Variants in ENTPD4 observed in about 807,000 individuals in gnomAD.
ENTPD4 encodes the protein Golgi UDPase.
ENTPD4 carries 60 observed loss-of-function variants against 79.1 expected under a neutral mutation model. The observed-to-expected ratio is 0.76, with a 90% CI of 0.62 to 0.94. The LOEUF is 0.94. Among genes scored for constraint, ENTPD4 ranks in the 40% least tolerant of loss-of-function variants. ENTPD4 has a pLI of 0.00. For synonymous variants in ENTPD4, 276 were observed against 292.0 expected, an observed-to-expected ratio of 0.95 and a Z score of 0.56; for missense variants, 772 against 775.1, an observed-to-expected ratio of 1.00 and a Z score of 0.05.
intron 1 of ENTPD4, among the ~76,000 whole-genome samples, chr8:23,452,111 G>A (rs1800872615): frequency 6.6e-6 from 1 of 152,156 alleles, no homozygotes; most frequent in African/African-American, 2.4e-5. Flanking sequence ...GGGAGAGGTG[G>A]GATGCAAGTG....
At chr8:23,434,621 C>T (rs149366215) in intron 11 of ENTPD4, 143 bp from the exon 12 acceptor site, 73 of 1,465,622 alleles carry the variant, frequency 5.0e-5, no homozygotes, top group African/African-American at 4.6e-4. Flanking sequence ...ACCAACTGCG[C>T]GCGTTTCAAG....
At position 23,430,576 on chromosome 8, in the gene ENTPD4, T is replaced by G. The variant is rs966683926; in HGVS notation, c.*2350A>C. 27 of 984,438 alleles carry G rather than the reference T, an allele frequency of 2.7e-5. No individual in the cohort carries two copies. The highest frequency in any genetic ancestry group is 4.7e-5 in the South Asian group (1 of 21,272). 61.0% of individuals were successfully genotyped at this position (984,438 alleles called of 1,614,324 possible). On this transcript the variant is annotated 3_prime_UTR_variant, in exon 13 of 13. Transcript: ENST00000358689. ...GGCCACATATAGTGTCTGCTGCATA[T>G]TCTTCAACGTTTTTTCTTAGGCAAC...
At chr8:23,448,711 G>A in intron 3 of ENTPD4, 31 bp downstream of exon 3, 3 of 1,573,940 alleles carry the variant, frequency 1.9e-6, no homozygotes, top group Non-Finnish European at 2.6e-6. Flanking sequence ...TAAGGCTTCT[G>A]GTCTAGAAAG....
In ENTPD4 at chr8:23,431,811, G is replaced by A. The variant is rs1800458954; in HGVS notation, c.*1115C>T. On this transcript the variant is annotated 3_prime_UTR_variant, in exon 13 of 13. Transcript: ENST00000358689. ...TCTAGTTCCAATAAAACCGAAACTG[G>A]TGAAACTAGGAATTTCCAATTCTTT... 4 of 985,418 alleles carry A rather than the reference G, an allele frequency of 4.1e-6. No individual in the cohort carries two copies. Among genetic ancestry groups the A allele is most frequent in the Non-Finnish European group, 3.6e-6 (3 of 829,928 alleles). The allele number at this position is 985,418 out of a possible 1,614,324, so 61.0% of individuals were successfully genotyped here.
At chr8:23,440,779 C>T (rs1178641402) in intron 8 of ENTPD4, among the ~76,000 whole-genome samples, 1 of 152,180 alleles carries the variant, frequency 6.6e-6, no homozygotes, top group African/African-American at 2.4e-5. Flanking sequence ...GTTGTAGGTA[C>T]TTTTGTTCAC....
chr8:23,439,907 T>C lies in ENTPD4; in HGVS notation c.891A>G (p.Val297=), dbSNP rs779826486. ...VSFASSQQEE[V]AKNLLAEFNL... ...TAAATTCAGCTAACAAGTTTTTAGC[T>C]ACTTCTTCCTGCAGACATAAGCATA... is the stretch of plus-strand genomic sequence containing the variant. Residue 297 remains valine (V), a synonymous_variant, in exon 9 of 13, where the codon GTA becomes GTG. Transcript: ENST00000358689. 6.2e-7 allele frequency: 1 copy of C among 1,613,942 alleles called. No individual in the cohort carries two copies. The highest frequency in any genetic ancestry group is 1.1e-5 in the South Asian group (1 of 91,076).
Position 23,433,002 on chromosome 8 carries a change from G to C in ENTPD4, c.1775C>G (p.Thr592Ser). ...GGCGGCGGCCGAGCTGCTCCGGGGA[G>C]TGCGCCTGTGGATGCGCCGCAGCCG... ...LLRLRRIHRR[T>S]PRSSSAAALW... The change falls in exon 13 of 13, where the codon ACT becomes AGT. Residue 592 changes from threonine (T) to serine (S), a missense_variant. By Grantham distance (58) the Thr-to-Ser change is moderately conservative (BLOSUM62 1). Coordinates refer to ENST00000358689, the MANE Select transcript of ENTPD4 (RefSeq NM_004901.5). 1 of 1,613,992 alleles carries C rather than the reference G, an allele frequency of 6.2e-7. No individual in the cohort carries two copies. Among genetic ancestry groups the C allele is most frequent in the Non-Finnish European group, 8.5e-7 (1 of 1,179,922 alleles).
In ENTPD4 at chr8:23,434,304, T is replaced by G. The variant is rs771005101; in HGVS notation, c.1622+13A>C. The G allele has an allele frequency of 3.1e-6, 5 of 1,609,214 alleles. No individual in the cohort carries two copies. Among genetic ancestry groups the G allele is most frequent in the Non-Finnish European group, 4.3e-6 (5 of 1,176,464 alleles). ...CATCTTTTTGATTCTCGTTCCCAAA[T>G]TCACAGCCCTACCTTAATGGTAGAA... On this transcript the variant is annotated intron_variant, in intron 12 of 12. Coordinates refer to ENST00000358689, the MANE Select transcript of ENTPD4 (RefSeq NM_004901.5).
chr8:23,434,186 T>C, intron 12 of ENTPD4, 131 bp downstream of exon 12: 1 of 1,233,278 alleles, frequency 8.1e-7, no homozygotes, highest in Non-Finnish European at 1.1e-6. Flanking sequence ...CAAACGTCAC[T>C]GTCCCTACAA....
Position 23,436,811 on chromosome 8 carries a change from A to G in ENTPD4, c.1374+123T>C, listed in dbSNP as rs1028683966. The G allele has an allele frequency of 1.4e-4, 113 of 794,738 alleles. 2 individuals carry two copies. Among genetic ancestry groups the G allele is most frequent in the Non-Finnish European group, 1.8e-5 (9 of 491,780 alleles). The allele number at this position is 794,738 out of a possible 1,614,324, so 49.2% of individuals were successfully genotyped here. A position where few individuals can be genotyped will look rare whatever the true frequency, so the allele number is the denominator to read the frequency against. ...CAAGCAAAGGGAACAGGATCCCAAC[A>G]TGCTGCAGTGCAGCCTTCTATACTC... On this transcript the variant is annotated intron_variant, in intron 10 of 12. Coordinates refer to ENST00000358689, the MANE Select transcript of ENTPD4 (RefSeq NM_004901.5).
intron 8 of ENTPD4, among the ~76,000 whole-genome samples, chr8:23,440,661 G>A (rs1489731927): frequency 1.3e-5 from 2 of 152,138 alleles, no homozygotes; most frequent in African/African-American, 4.8e-5. Flanking sequence ...TTTTTCCAAG[G>A]AACTTAATAA....
intron 11 of ENTPD4, chr8:23,434,789 C>T: frequency 9.8e-7 from 1 of 1,021,546 alleles, no homozygotes; most frequent in Non-Finnish European, 1.2e-6. Context: ...TGAATGAATA[C>T]TGAACAGGTT....
chr8:23,442,442 T>C (rs1478117068), intron 6 of ENTPD4, among the ~76,000 whole-genome samples: 2 of 152,210 alleles, frequency 1.3e-5, no homozygotes, highest in Non-Finnish European at 1.5e-5. Context: ...TCCCAGCACT[T>C]TGTGAGGCCG....
At chr8:23,441,967 A>C in intron 7 of ENTPD4, 40 bp downstream of exon 7, 1 of 1,557,968 alleles carries the variant, frequency 6.4e-7, no homozygotes, top group South Asian at 1.1e-5. Context: ...AAAAGCACCA[A>C]TTTCCAACTA....
At chr8:23,442,521 T>C (rs1800691562) in intron 6 of ENTPD4, among the ~76,000 whole-genome samples, 1 of 151,996 alleles carries the variant, frequency 6.6e-6, no homozygotes, top group South Asian at 2.1e-4. Context: ...CCGTCTCTAC[T>C]AAAAATACAA....
chr8:23,442,525 A>C (rs1180437911), intron 6 of ENTPD4, among the ~76,000 whole-genome samples: 1 of 152,096 alleles, frequency 6.6e-6, no homozygotes, highest in African/African-American at 2.4e-5. Context: ...CTCTACTAAA[A>C]ATACAAAAAT....
intron 9 of ENTPD4, among the ~76,000 whole-genome samples, chr8:23,438,414 TA>T (rs1300237427): frequency 6.6e-6 from 1 of 152,196 alleles, no homozygotes; most frequent in Non-Finnish European, 1.5e-5. Flanking sequence ...TCGCTTAATT[TA>T]AAAAAATTAA....
Position 23,434,472 on chromosome 8 carries a change from C to G in ENTPD4, c.1467G>C (p.Gln489His), listed in dbSNP as rs768509249. The change falls in exon 12 of 13, where the codon CAG (glutamine) becomes CAC (histidine). Residue 489 changes from glutamine (Q) to histidine (H), a missense_variant. Physicochemically the swap from Gln to His is conservative, Grantham distance 24. Transcript: ENST00000358689. ...SHADLHRLKY[Q>H]CFKSAWMFEV... ...CAAACATCCAGGCCGATTTGAAGCA[C>G]TGATACCTACAAACGGCAAGCACAA... 8 of 1,613,972 alleles carry G rather than the reference C, an allele frequency of 5.0e-6. No individual in the cohort carries two copies. Among genetic ancestry groups the G allele is most frequent in the Non-Finnish European group, 6.8e-6 (8 of 1,179,998 alleles).
intron 11 of ENTPD4, chr8:23,434,738 G>A (rs1800526046): frequency 7.8e-7 from 1 of 1,282,012 alleles, no homozygotes; most frequent in South Asian, 2.4e-5. Context: ...ATATCCCTGA[G>A]ATAGGTTTCT....
Sources: gnomAD v4.1 joint callset for allele counts (sites outside exome capture counted in the v4.1 genomes callset) on GRCh38, gnomAD v4.1.1 for gene constraint, MANE v1.5 for transcripts, NCBI Gene and HGNC (gene_info 2026-07-23, HGNC 2026-07-21) for gene names.